GSTCD: variants seen among roughly 807,000 people sequenced by gnomAD.
The protein encoded by GSTCD is glutathione S-transferase C-terminal domain-containing protein.
Under a neutral mutation model 68.3 loss-of-function variants are expected in GSTCD, and 44 were observed. The observed-to-expected ratio is 0.64, with a 90% confidence interval of 0.51 to 0.83. GSTCD has a LOEUF of 0.83. GSTCD is among the 40% of genes least tolerant of loss of function. The pLI is 0.00. For synonymous variants in GSTCD, 273 were observed against 255.2 expected, an observed-to-expected ratio of 1.07 and a Z score of -0.67; for missense variants, 739 against 735.9, an observed-to-expected ratio of 1.00 and a Z score of -0.05.
Position 105,823,223 on chromosome 4 carries a change from T to C in GSTCD, c.1357-8T>C. 3 of 1,613,610 alleles carry C rather than the reference T, an allele frequency of 1.9e-6. No individual in the cohort carries two copies. The highest frequency in any genetic ancestry group is 2.5e-6 in the Non-Finnish European group (3 of 1,179,570). On this transcript the variant is annotated splice_polypyrimidine_tract_variant and splice_region_variant and intron_variant, in intron 6 of 11. Transcript: ENST00000515279. ...AAGCTAACTTGTTTGTCTTACTGACTTTTTCAGGGCCATGTTGGAATTGTC... is the reference window on the plus strand; with the variant it reads ...AAGCTAACTTGTTTGTCTTACTGACCTTTTCAGGGCCATGTTGGAATTGTC...
chr4:105,845,638 T>C lies in GSTCD; in HGVS notation c.*61T>C. ...CTTCACGTTGGATGCCCAGTGGCAT[T>C]CAGGAGGTTCTTGGCATAACTAGGA... On this transcript the variant is annotated 3_prime_UTR_variant, in exon 12 of 12. Coordinates refer to ENST00000515279, the MANE Select transcript of GSTCD (RefSeq NM_001370181.1). The C allele has an allele frequency of 6.4e-7, 1 of 1,561,058 alleles. No individual in the cohort carries two copies. Among genetic ancestry groups the C allele is most frequent in the Non-Finnish European group, 8.8e-7 (1 of 1,136,688 alleles).
chr4:105,821,984 C>A (rs576813270), intron 5 of GSTCD, among the ~76,000 whole-genome samples: 3 of 151,766 alleles, frequency 2.0e-5, no homozygotes, highest in South Asian at 4.2e-4. Flanking sequence ...AAATGTCATG[C>A]CATTTTTCTG....
At chr4:105,837,990 T>C (rs533520749) in intron 10 of GSTCD, 101 bp downstream of exon 10, 1 of 457,670 alleles carries the variant, frequency 2.2e-6, no homozygotes, top group African/African-American at 2.1e-5. Flanking sequence ...TAGTTATAAT[T>C]GAATAACTCA....
chr4:105,736,511 T>C (rs1348304644), intron 5 of GSTCD, among the ~76,000 whole-genome samples: 1 of 152,210 alleles, frequency 6.6e-6, no homozygotes, highest in Non-Finnish European at 1.5e-5. Flanking sequence ...TGGGGAACAG[T>C]ATGATATTTT....
chr4:105,740,961 G>A (rs12511885), intron 5 of GSTCD, among the ~76,000 whole-genome samples: 34,105 of 151,208 alleles, frequency 0.23, 5,212 homozygotes, highest in African/African-American at 0.44. Flanking sequence ...TGAGAAACCC[G>A]CCTAGACATG....
chr4:105,788,916 A>G (rs1444796056), intron 5 of GSTCD, among the ~76,000 whole-genome samples: 5 of 152,164 alleles, frequency 3.3e-5, no homozygotes, highest in Middle Eastern at 3.4e-3. Context: ...ACAAATGTGA[A>G]TTTCGGATCT....
intron 5 of GSTCD, among the ~76,000 whole-genome samples, chr4:105,813,576 A>C (rs1018736012): frequency 6.6e-6 from 1 of 152,218 alleles, no homozygotes; most frequent in African/African-American, 2.4e-5. Context: ...CCAGAAAAAA[A>C]ATTTCTGAAA....
chr4:105,711,654 A>G (rs778164496), intron 1 of GSTCD, among the ~76,000 whole-genome samples: 8 of 152,224 alleles, frequency 5.3e-5, no homozygotes, highest in Non-Finnish European at 2.9e-5. Flanking sequence ...AGGTACAGTT[A>G]TTATTGTCTC....
At chr4:105,737,026 A>G (rs1464659327) in intron 5 of GSTCD, among the ~76,000 whole-genome samples, 1 of 152,128 alleles carries the variant, frequency 6.6e-6, no homozygotes, top group South Asian at 2.1e-4. Context: ...TATCTTGCCT[A>G]TTGTGAATAG....
intron 5 of GSTCD, among the ~76,000 whole-genome samples, chr4:105,814,601 C>G (rs541524950): frequency 6.6e-6 from 1 of 151,796 alleles, no homozygotes; most frequent in Admixed American, 6.6e-5. Flanking sequence ...GACAGAGACT[C>G]TGTCTCAAAA....
At chr4:105,840,860 GGAGT>G (rs1724304425) in intron 10 of GSTCD, among the ~76,000 whole-genome samples, 1 of 152,132 alleles carries the variant, frequency 6.6e-6, no homozygotes, top group South Asian at 2.1e-4. Context: ...GCAGCCTTTT[GGAGT>G]GAGAGAAAGA....
chr4:105,774,162 A>C (rs1734962036), intron 5 of GSTCD, among the ~76,000 whole-genome samples: 1 of 152,144 alleles, frequency 6.6e-6, no homozygotes, highest in African/African-American at 2.4e-5. Flanking sequence ...GTTTTATCAG[A>C]GACTAGGATT....
At chr4:105,750,090 C>G (rs942078528) in intron 5 of GSTCD, among the ~76,000 whole-genome samples, 1 of 152,134 alleles carries the variant, frequency 6.6e-6, no homozygotes, top group African/African-American at 2.4e-5. Flanking sequence ...TCTATTTTAT[C>G]AATTAATATC....
chr4:105,843,808 T>C (rs1578530996), intron 11 of GSTCD, among the ~76,000 whole-genome samples: 1 of 150,774 alleles, frequency 6.6e-6, no homozygotes, highest in Non-Finnish European at 1.5e-5. Flanking sequence ...AATGAAGACA[T>C]AATTAGTATG....
At chr4:105,733,705 A>G (rs984814332) in intron 5 of GSTCD, among the ~76,000 whole-genome samples, 1 of 152,102 alleles carries the variant, frequency 6.6e-6, no homozygotes, top group Admixed American at 6.5e-5. Context: ...TAATATTGTT[A>G]TGTGTGAATT....
intron 2 of GSTCD, 53 bp downstream of exon 2, chr4:105,718,092 T>C (rs1054538407): frequency 2.9e-5 from 39 of 1,337,260 alleles, no homozygotes; most frequent in Non-Finnish European, 3.8e-5. Flanking sequence ...GATAACATAA[T>C]TACCTGACCA....
chr4:105,804,482 T>A (rs1286608199), intron 5 of GSTCD, among the ~76,000 whole-genome samples: 1 of 152,146 alleles, frequency 6.6e-6, no homozygotes, highest in Non-Finnish European at 1.5e-5. Flanking sequence ...GTCATGATTA[T>A]TTAATGTTAA....
intron 5 of GSTCD, among the ~76,000 whole-genome samples, chr4:105,773,559 C>A (rs529369207): frequency 6.6e-5 from 10 of 152,092 alleles, no homozygotes; most frequent in African/African-American, 1.9e-4. Flanking sequence ...GTACATTGTG[C>A]CTTTTTTCTC....
intron 5 of GSTCD, among the ~76,000 whole-genome samples, chr4:105,744,896 A>G (rs1320406837): frequency 1.3e-5 from 2 of 152,234 alleles, no homozygotes; most frequent in East Asian, 3.8e-4. Context: ...ATTAGGAAAT[A>G]GATGTATGCA....
Sources: allele counts gnomAD v4.1 joint callset (sites outside exome capture counted in the v4.1 genomes callset), GRCh38; gene constraint gnomAD v4.1.1; transcripts MANE v1.5; gene names NCBI Gene and HGNC (gene_info 2026-07-23, HGNC 2026-07-21).